NBPF11: variants seen among roughly 807,000 people sequenced by gnomAD.
NBPF11 encodes the protein NBPF member 11.
In NBPF11, 72 loss-of-function variants were observed where a neutral mutation model predicts 93.9. The observed-to-expected ratio is 0.77, with a 90% CI of 0.63 to 0.93. The LOEUF is 0.93. NBPF11 is among the 40% of genes least tolerant of loss of function. The pLI is 0.00. For synonymous variants in NBPF11, 224 were observed against 304.9 expected (o/e 0.73, Z 2.76); for missense variants, 705 against 802.2 (o/e 0.88, Z 1.46).
intron 1 of NBPF11, among the ~76,000 whole-genome samples, chr1:148,148,288 C>T (rs1217043967): frequency 2.6e-5 from 4 of 152,244 alleles, no homozygotes; most frequent in African/African-American, 9.7e-5. Context: ...CGCACACCTG[C>T]CCATGCTCCT....
rs1174077943 is a variant in NBPF11 at position 148,109,434 on chromosome 1, G to C, written c.1802-99C>G. On this transcript the variant is annotated intron_variant, in intron 16 of 23. Coordinates refer to ENST00000682118, the MANE Select transcript of NBPF11 (RefSeq NM_001385469.3). ...ATCCTAACACAGGGACATCAGTCTT[G>C]TCAGTGTGAAAACAGGAGACTTTGA... 5.2e-5 allele frequency: 45 copies of C among 860,612 alleles called. 1 individual carries two copies. The highest frequency in any genetic ancestry group is 2.0e-4 in the Admixed American group (11 of 55,866). 53.3% of individuals were successfully genotyped at this position (860,612 alleles called of 1,614,324 possible).
At chr1:148,115,458 C>T (rs1553269304) in intron 14 of NBPF11, among the ~76,000 whole-genome samples, 1 of 150,640 alleles carries the variant, frequency 6.6e-6, no homozygotes, top group African/African-American at 2.5e-5. Flanking sequence ...GGCATAGAAA[C>T]TCCATGGACA....
At chr1:148,136,071 G>A (rs1472810301) in intron 3 of NBPF11, among the ~76,000 whole-genome samples, 7 of 151,904 alleles carry the variant, frequency 4.6e-5, no homozygotes, top group Admixed American at 2.0e-4. Context: ...CATGTATATA[G>A]AGAGGCCTCT....
intron 1 of NBPF11, among the ~76,000 whole-genome samples, chr1:148,143,929 G>T (rs200303778): frequency 2.8e-5 from 4 of 144,940 alleles, no homozygotes; most frequent in Admixed American, 2.8e-4. Flanking sequence ...GCATGGTGGC[G>T]CACACTTGCA....
chr1:148,107,413 C>G (rs1464395022), intron 19 of NBPF11, among the ~76,000 whole-genome samples: 1 of 151,152 alleles, frequency 6.6e-6, no homozygotes, highest in Non-Finnish European at 1.5e-5. Flanking sequence ...TCGGGACACA[C>G]AGCGAACAGT....
intron 5 of NBPF11, 34 bp downstream of exon 5, chr1:148,126,795 A>G: frequency 6.2e-7 from 1 of 1,601,488 alleles, no homozygotes; most frequent in Non-Finnish European, 8.5e-7. Flanking sequence ...TCTCACATTC[A>G]TCACTTTCAT....
Position 148,124,951 on chromosome 1 carries a change from G to T in NBPF11, c.226C>A (p.Gln76Lys), listed in dbSNP as rs782049528. 125 of 1,609,094 alleles carry T rather than the reference G, an allele frequency of 7.8e-5. No homozygotes were observed. Among genetic ancestry groups the T allele is most frequent in the Non-Finnish European group, 1.3e-5 (15 of 1,179,160 alleles). Residue 76 changes from glutamine to lysine, a missense_variant, in exon 6 of 24, where the codon CAG (glutamine) becomes AAG (lysine). This residue lies in a region of NBPF11 where 128 missense variants were observed against 112.8 expected (regional missense o/e 1.14). Coordinates refer to ENST00000682118, the MANE Select transcript of NBPF11 (RefSeq NM_001385469.3). ...LIKFMLRNERQFKEEKLAEQL... is the reference protein window; with the variant it reads ...LIKFMLRNERKFKEEKLAEQL... ...TCTGCAAGCTTCTCCTCCTTGAACT[G>T]TCGCTCATTCCTCAGCATAAATTTT...
chr1:148,112,148 G>GT (rs1665433894), intron 15 of NBPF11, among the ~76,000 whole-genome samples: 1 of 122,216 alleles, frequency 8.2e-6, no homozygotes, highest in African/African-American at 3.6e-5. Context: ...TTTTTTGTGT[G>GT]TATGTATATA....
chr1:148,106,756 T>G (rs1663735020), intron 20 of NBPF11, among the ~76,000 whole-genome samples, 186 bp downstream of exon 20: 1 of 148,604 alleles, frequency 6.7e-6, no homozygotes, highest in African/African-American at 2.5e-5. Flanking sequence ...AGAGCCTTGC[T>G]CACTGACCCA....
chr1:148,129,090 G>GTA (rs1323758693), intron 4 of NBPF11, among the ~76,000 whole-genome samples: 1,514 of 138,372 alleles, frequency 0.011, 16 homozygotes, highest in Admixed American at 0.015. Context: ...TGGCACACGT[G>GTA]TATATATATA....
intron 17 of NBPF11, 101 bp from the exon 18 acceptor site, chr1:148,108,755 A>G (rs1216478735): frequency 1.4e-5 from 11 of 767,586 alleles, no homozygotes; most frequent in African/African-American, 9.1e-5. Context: ...TTTGAAAAGA[A>G]AAAGGACAGA....
At chr1:148,125,874 C>T (rs1668990357) in intron 5 of NBPF11, among the ~76,000 whole-genome samples, 2 of 152,044 alleles carry the variant, frequency 1.3e-5, no homozygotes, top group African/African-American at 2.4e-5. Context: ...CACTGCACTG[C>T]TGCTTCCACA....
At chr1:148,147,373 C>G (rs1673339997) in intron 1 of NBPF11, among the ~76,000 whole-genome samples, 1 of 152,056 alleles carries the variant, frequency 6.6e-6, no homozygotes, top group African/African-American at 2.4e-5. Flanking sequence ...GGAGCTTGGC[C>G]ATCCTGGGGC....
intron 15 of NBPF11, among the ~76,000 whole-genome samples, chr1:148,112,152 G>GTATATA (rs1174997764): frequency 8.4e-6 from 1 of 119,610 alleles, no homozygotes; most frequent in African/African-American, 3.6e-5. Flanking sequence ...TTGTGTGTAT[G>GTATATA]TATATATATA....
chr1:148,105,776 T>TGA (rs1299636402), intron 21 of NBPF11, among the ~76,000 whole-genome samples: 58 of 124,754 alleles, frequency 4.6e-4, no homozygotes, highest in South Asian at 8.9e-4. Context: ...ACACACACAC[T>TGA]GAGAGAGAGA....
Position 148,146,283 on chromosome 1 carries a change from G to T in NBPF11, c.-548-2597C>A, listed in dbSNP as rs1425533034. The T allele has an allele frequency of 2.3e-5, 30 of 1,308,652 alleles. No homozygotes were observed. The African/African-American group carries it at 4.5e-4, about 19-fold the overall frequency. 81.1% of individuals were successfully genotyped at this position (1,308,652 alleles called of 1,614,324 possible). ...TGTCTGGGGCGGTAGCTGGGGGGGC[G>T]CTCTCCCCCCTGCCCGCGACTCGGA... On this transcript the variant is annotated intron_variant, in intron 1 of 23. Transcript: ENST00000682118.
intron 5 of NBPF11, among the ~76,000 whole-genome samples, chr1:148,125,418 A>G (rs1372777460): frequency 6.6e-6 from 1 of 151,972 alleles, no homozygotes; most frequent in Non-Finnish European, 1.5e-5. Context: ...TTTCCCTTTT[A>G]CTGGGTATTT....
At chr1:148,145,179 G>A (rs1672792750) in intron 1 of NBPF11, among the ~76,000 whole-genome samples, 3 of 144,196 alleles carry the variant, frequency 2.1e-5, no homozygotes, top group South Asian at 4.3e-4. Context: ...TCTTAGGCTA[G>A]GCATTGATTT....
rs1440130543 is a variant in NBPF11, at chr1:148,151,985, G to T, written c.-784C>A. Reference sequence around the variant, plus strand: ...GCTTGCGGCCCGCTGGCTCCTCAGGGTCCGGATGGGCCGTGTCAGGAGAGC... The same window carrying T: ...GCTTGCGGCCCGCTGGCTCCTCAGGTTCCGGATGGGCCGTGTCAGGAGAGC... On this transcript the variant is annotated 5_prime_UTR_variant, in exon 1 of 24. Transcript: ENST00000682118. 1.3e-5 allele frequency: 2 copies of T among 152,242 alleles called. No individual in the cohort carries two copies. Among genetic ancestry groups the T allele is most frequent in the Non-Finnish European group, 2.9e-5 (2 of 68,240 alleles). The allele number at this position is 152,242 out of a possible 1,614,324, so 9.4% of individuals were successfully genotyped here. A position where few individuals can be genotyped will look rare whatever the true frequency, so the allele number is the denominator to read the frequency against.
Sources: allele counts gnomAD v4.1 joint callset (sites outside exome capture counted in the v4.1 genomes callset), GRCh38; gene constraint gnomAD v4.1.1; regional missense constraint gnomAD v4.1.1; transcripts MANE v1.5; gene names NCBI Gene and HGNC (gene_info 2026-07-23, HGNC 2026-07-21).